CANX: variants seen among roughly 807,000 people sequenced by gnomAD.
The protein encoded by CANX is calnexin.
CANX carries 14 observed loss-of-function variants against 75.7 expected under a neutral mutation model. The observed-to-expected ratio is 0.19, with a 90% CI of 0.12 to 0.29. The LOEUF (loss-of-function observed/expected upper bound fraction) is 0.29, where lower values mean the gene tolerates loss of function less well. Among genes scored for constraint, CANX ranks in the 10% least tolerant of loss-of-function variants. The probability of loss-of-function intolerance (pLI) is 1.00; values close to 1 mark genes in which losing one functional copy is unlikely to be tolerated. For missense variants in CANX, 567 were observed against 713.2 expected, an observed-to-expected ratio of 0.79 and a Z score of 2.34; for synonymous variants, 227 against 236.9, an observed-to-expected ratio of 0.96 and a Z score of 0.38.
In CANX at chr5:179,716,339, A is replaced by G. The variant is rs778373186; in HGVS notation, c.911+45A>G. 5 of 1,431,212 alleles carry G rather than the reference A, an allele frequency of 3.5e-6. No individual in the cohort carries two copies. The Admixed American group carries it at 7.7e-5, about 22-fold the overall frequency. 88.7% of individuals were successfully genotyped at this position (1,431,212 alleles called of 1,614,324 possible). ...CTTCAAGTGTAAGGGAGCATTTCATATATTCCATGTGGCTTGAACAACGAA... is the reference window on the plus strand; with the variant it reads ...CTTCAAGTGTAAGGGAGCATTTCATGTATTCCATGTGGCTTGAACAACGAA... On this transcript the variant is annotated intron_variant, in intron 8 of 14. Coordinates refer to ENST00000247461, the MANE Select transcript of CANX (RefSeq NM_001746.4).
intron 1 of CANX, among the ~76,000 whole-genome samples, chr5:179,692,618 C>T (rs1013080361): frequency 5.3e-5 from 8 of 152,064 alleles, no homozygotes; most frequent in Non-Finnish European, 1.2e-4. Flanking sequence ...GCCTCAACCT[C>T]CTGGGCTGAA....
At chr5:179,713,390 T>C (rs544723891) in intron 7 of CANX, among the ~76,000 whole-genome samples, 4 of 152,268 alleles carry the variant, frequency 2.6e-5, no homozygotes, top group Non-Finnish European at 5.9e-5. Flanking sequence ...TTTTGTTATT[T>C]CCAAAAGTAA....
intron 11 of CANX, 138 bp downstream of exon 11, chr5:179,723,157 A>G (rs2113262497): frequency 7.1e-6 from 5 of 706,678 alleles, no homozygotes; most frequent in African/African-American, 5.3e-5. Context: ...AAAAGACACA[A>G]TATTGGGTTT....
chr5:179,708,445 C>T, intron 5 of CANX, 65 bp downstream of exon 5: 3 of 1,427,814 alleles, frequency 2.1e-6, no homozygotes, highest in Non-Finnish European at 1.9e-6. Flanking sequence ...CATTATGTAA[C>T]TTTTACTCTA....
intron 1 of CANX, among the ~76,000 whole-genome samples, chr5:179,686,985 C>T (rs1160056980): frequency 6.6e-6 from 1 of 152,128 alleles, no homozygotes; most frequent in Non-Finnish European, 1.5e-5. Context: ...CCATATTGGT[C>T]AGGCTGGTCT....
rs1778410866 is a variant in CANX at position 179,723,015 on chromosome 5, C to A, written c.1394C>A (p.Ala465Asp). The A allele has an allele frequency of 6.2e-7, 1 of 1,613,312 alleles. No homozygotes were observed. Among genetic ancestry groups the A allele is most frequent in the African/African-American group, 1.3e-5 (1 of 75,008 alleles). ...WGLKKAADGA[A>D]EPGVVGQMIE... ...CTGAAGAAAGCTGCTGATGGGGCTG[C>A]TGAGGTTCGTGTTTGCTGCTTGTGC... Residue 465 changes from alanine to aspartate, a missense_variant, in exon 11 of 15, where the codon GCT becomes GAT. Physicochemically the swap from Ala to Asp is moderately radical, Grantham distance 126 (BLOSUM62 -2). This residue lies in a region of CANX where 167 missense variants were observed against 179.3 expected (regional missense o/e 0.93). Transcript: ENST00000247461.
intron 1 of CANX, among the ~76,000 whole-genome samples, chr5:179,691,859 G>A (rs1177847454): frequency 6.7e-6 from 1 of 150,006 alleles, no homozygotes; most frequent in Non-Finnish European, 1.5e-5. Context: ...CTCACTGCAA[G>A]CTCTGCCTCC....
chr5:179,697,870 A>G (rs1337009591), upstream of CANX, among the ~76,000 whole-genome samples: 1 of 152,180 alleles, frequency 6.6e-6, no homozygotes, highest in Non-Finnish European at 1.5e-5. Flanking sequence ...CCTGAGCGAC[A>G]GAGCAAGACT....
intron 8 of CANX, among the ~76,000 whole-genome samples, chr5:179,717,963 G>A (rs538448450): frequency 1.3e-5 from 2 of 152,242 alleles, no homozygotes; most frequent in African/African-American, 2.4e-5. Flanking sequence ...TGATCTACCC[G>A]CCTCAGCCTC....
At chr5:179,713,144 C>G (rs1324516295) in intron 7 of CANX, among the ~76,000 whole-genome samples, 1 of 151,570 alleles carries the variant, frequency 6.6e-6, no homozygotes, top group Non-Finnish European at 1.5e-5. Flanking sequence ...TGCAGTGGCG[C>G]CATCTTGGCT....
intron 11 of CANX, chr5:179,723,374 C>A: frequency 2.3e-6 from 1 of 433,946 alleles, no homozygotes; most frequent in East Asian, 4.0e-5. Context: ...ATTGGAGAGC[C>A]AGGGATACTG....
chr5:179,694,349 G>T, upstream of CANX: 2 of 568,326 alleles, frequency 3.5e-6, 1 homozygote, highest in East Asian at 5.7e-5. Flanking sequence ...CAATGTCCGG[G>T]AAAGAGAAGT....
At chr5:179,712,099 C>T (rs980651960) in intron 7 of CANX, among the ~76,000 whole-genome samples, 4 of 104,764 alleles carry the variant, frequency 3.8e-5, no homozygotes, top group African/African-American at 1.3e-4. Context: ...CTCCGTCCCC[C>T]ACTCCAAAAA....
intron 1 of CANX, among the ~76,000 whole-genome samples, chr5:179,680,065 A>C (rs1776022517): frequency 6.9e-6 from 1 of 144,338 alleles, no homozygotes; most frequent in Non-Finnish European, 1.5e-5. Flanking sequence ...TGCCCGCCTC[A>C]GCGCCAAAGT....
At chr5:179,688,565 G>T (rs56159807) in intron 1 of CANX, among the ~76,000 whole-genome samples, 1 of 148,342 alleles carries the variant, frequency 6.7e-6, no homozygotes. Flanking sequence ...GGGTCTCACC[G>T]TGTTAGCCAG....
At chr5:179,720,240 A>G (rs1178614934) in intron 9 of CANX, among the ~76,000 whole-genome samples, 164 bp from the exon 10 acceptor site, 2 of 152,208 alleles carry the variant, frequency 1.3e-5, no homozygotes, top group African/African-American at 2.4e-5. Flanking sequence ...TTTTTTAAAA[A>G]ATAAATTTTT....
intron 1 of CANX, 62 bp from the exon 2 acceptor site, chr5:179,705,617 G>C (rs1777076915): frequency 8.4e-7 from 1 of 1,193,912 alleles, no homozygotes; most frequent in Admixed American, 1.9e-5. Context: ...AGAGTGGTTA[G>C]TGATCTTCAT....
intron 1 of CANX, among the ~76,000 whole-genome samples, chr5:179,687,285 A>C (rs1188130383): frequency 6.6e-6 from 1 of 151,588 alleles, no homozygotes; most frequent in East Asian, 1.9e-4. Context: ...TTGTATTTGC[A>C]GTAGAGACGG....
upstream of CANX, among the ~76,000 whole-genome samples, chr5:179,696,207 C>T (rs555551739): frequency 6.6e-6 from 1 of 151,934 alleles, no homozygotes; most frequent in African/African-American, 2.4e-5. Flanking sequence ...CATGAGCTAC[C>T]TCACCCGGCC....
Sources: allele counts gnomAD v4.1 joint callset (sites outside exome capture counted in the v4.1 genomes callset), GRCh38; gene constraint gnomAD v4.1.1; regional missense constraint gnomAD v4.1.1; transcripts MANE v1.5; gene names NCBI Gene and HGNC (gene_info 2026-07-23, HGNC 2026-07-21).